Variants in CHST8 observed in about 807,000 individuals in gnomAD.
CHST8 encodes carbohydrate sulfotransferase 8.
In CHST8, 10 loss-of-function variants were observed where a neutral mutation model predicts 15.0. The ratio of observed to expected loss-of-function variants is 0.67; its 90% CI spans 0.41 to 1.13. The LOEUF is 1.13. Ranked by LOEUF, CHST8 falls within the 50% of genes most tolerant of loss-of-function variation. The pLI, the probability that CHST8 is intolerant of heterozygous loss-of-function variation, is 0.00. For synonymous variants in CHST8, 259 were observed against 256.6 expected (o/e 1.01, Z -0.09); for missense variants, 634 against 608.2 (o/e 1.04, Z -0.45).
chr19:33,636,511 G>A (rs544702321), intron 1 of CHST8, among the ~76,000 whole-genome samples: 69 of 152,284 alleles, frequency 4.5e-4, no homozygotes, highest in Non-Finnish European at 9.4e-4. Flanking sequence ...AAGTGTTACA[G>A]GAAAGGGGTC....
Position 33,634,677 on chromosome 19 carries a change from CAAA to C in CHST8, c.-164+12403_-164+12405del, listed in dbSNP as rs3040761. Among the ~76,000 whole-genome samples, 296 of 52,356 alleles carry C rather than the reference CAAA, an allele frequency of 5.7e-3. 3 individuals carry two copies. The highest frequency in any genetic ancestry group is 0.018 in the South Asian group (22 of 1,196). The allele number at this position is 52,356 out of a possible 152,430, so 34.3% of individuals were successfully genotyped here. A position where few individuals can be genotyped will look rare whatever the true frequency, so the allele number is the denominator to read the frequency against. On this transcript the variant is annotated intron_variant, in intron 1 of 4. Transcript: ENST00000650847. ...TTTTTTTTTTTTCTTGTCACGAAAC[CAAA>C]AAAAAAAAAAAAAAAAAAAAAGCAT... is the stretch of plus-strand genomic sequence containing the variant.
chr19:33,713,426 G>A (rs1255759271), intron 3 of CHST8, among the ~76,000 whole-genome samples: 2 of 152,282 alleles, frequency 1.3e-5, no homozygotes, highest in African/African-American at 2.4e-5. Flanking sequence ...ACTGCAGCCT[G>A]GGCAGTTGGC....
In CHST8 at chr19:33,754,305, G is replaced by A. The variant is rs181522173; in HGVS notation, c.131-17108G>A. Among the ~76,000 whole-genome samples the A allele has an allele frequency of 5.3e-5, 8 of 151,140 alleles. No homozygotes were observed. In the East Asian group the frequency reaches 8.1e-4, roughly 15 times the overall value. On this transcript the variant is annotated intron_variant, in intron 3 of 4. Coordinates refer to ENST00000650847, the MANE Select transcript of CHST8 (RefSeq NM_001127895.2). ...CCTGCTAATGGACTGCTTTATCCCC[G>A]CACCTGGCATCCCCAAGTCACCCGG...
intron 2 of CHST8, among the ~76,000 whole-genome samples, chr19:33,669,006 T>C (rs1292298633): frequency 6.6e-6 from 1 of 152,142 alleles, no homozygotes; most frequent in Non-Finnish European, 1.5e-5. Context: ...GTTGCATCCT[T>C]AGTTTTATCC....
At chr19:33,649,519 C>T (rs577373774) in intron 1 of CHST8, among the ~76,000 whole-genome samples, 83 of 152,218 alleles carry the variant, frequency 5.5e-4, no homozygotes, top group Admixed American at 9.8e-4. Flanking sequence ...AACGGGCTGG[C>T]CAAATACGCA....
chr19:33,659,498 A>T (rs772888540), intron 1 of CHST8, among the ~76,000 whole-genome samples: 24 of 152,200 alleles, frequency 1.6e-4, no homozygotes, highest in African/African-American at 1.2e-4. Context: ...TTGTCTGTTG[A>T]ATCCTTAATA....
chr19:33,699,853 T>TC (rs921561080), intron 3 of CHST8, among the ~76,000 whole-genome samples: 1 of 152,050 alleles, frequency 6.6e-6, no homozygotes, highest in African/African-American at 2.4e-5. Context: ...TCTGAGTGTG[T>TC]CCCCCTGGAG....
intron 3 of CHST8, among the ~76,000 whole-genome samples, chr19:33,740,810 C>A (rs866950927): frequency 6.6e-6 from 1 of 152,176 alleles, no homozygotes; most frequent in African/African-American, 2.4e-5. Context: ...TTATCGGCAT[C>A]TTGTGGGGGC....
intron 2 of CHST8, among the ~76,000 whole-genome samples, chr19:33,680,702 C>T (rs889136464): frequency 6.6e-6 from 1 of 152,186 alleles, no homozygotes; most frequent in Non-Finnish European, 1.5e-5. Flanking sequence ...CCAGTAGTTG[C>T]TAACACATCA....
At chr19:33,758,285 G>A (rs765000468) in intron 3 of CHST8, among the ~76,000 whole-genome samples, 12 of 152,148 alleles carry the variant, frequency 7.9e-5, no homozygotes, top group East Asian at 1.9e-4. Context: ...AGTCAGGGCC[G>A]TCACCCAGAC....
At chr19:33,722,989 C>T (rs984741923) in intron 3 of CHST8, among the ~76,000 whole-genome samples, 6 of 152,330 alleles carry the variant, frequency 3.9e-5, no homozygotes, top group Admixed American at 1.3e-4. Flanking sequence ...AAGATAAGCC[C>T]GGCTCTGCTG....
intron 3 of CHST8, among the ~76,000 whole-genome samples, chr19:33,750,589 G>A (rs570988226): frequency 2.8e-4 from 42 of 152,036 alleles, no homozygotes; most frequent in East Asian, 1.2e-3. Context: ...TCCACCAGCC[G>A]CTCAGTTTCC....
intron 3 of CHST8, among the ~76,000 whole-genome samples, chr19:33,729,172 A>C (rs1264263032): frequency 6.6e-6 from 1 of 152,206 alleles, no homozygotes; most frequent in African/African-American, 2.4e-5. Flanking sequence ...AATCCAAAGG[A>C]AGCCCACAGG....
chr19:33,678,078 G>A (rs1399425433), intron 2 of CHST8, among the ~76,000 whole-genome samples: 2 of 152,178 alleles, frequency 1.3e-5, no homozygotes, highest in African/African-American at 4.8e-5. Flanking sequence ...CTGCACTCAG[G>A]TGTCAGGAGA....
intron 1 of CHST8, among the ~76,000 whole-genome samples, chr19:33,658,429 G>A (rs1162935680): frequency 2.0e-5 from 3 of 152,162 alleles, no homozygotes; most frequent in Non-Finnish European, 4.4e-5. Context: ...CTCCTTCTCT[G>A]TGAGTTCATT....
chr19:33,643,497 C>T (rs928785672), intron 1 of CHST8, among the ~76,000 whole-genome samples: 2 of 152,232 alleles, frequency 1.3e-5, no homozygotes, highest in African/African-American at 4.8e-5. Context: ...GCAGTTCTGC[C>T]TCCATATTTC....
rs559050480 is a variant in CHST8, at chr19:33,654,860, C to G, written c.-163-12907C>G. On this transcript the variant is annotated intron_variant, in intron 1 of 4. Coordinates refer to ENST00000650847, the MANE Select transcript of CHST8 (RefSeq NM_001127895.2). ...TGCCCCAGGCCCTGACCTGTAGGGT[C>G]TGCCATCTGTGTTCAGGACTTCTGG... is the stretch of plus-strand genomic sequence containing the variant. 1.2e-4 allele frequency among the ~76,000 whole-genome samples: 18 copies of G among 152,266 alleles called. No individual in the cohort carries two copies. In the South Asian group the frequency reaches 3.7e-3, roughly 32 times the overall value.
chr19:33,689,482 G>C, intron 3 of CHST8, 91 bp downstream of exon 3: 1 of 1,374,560 alleles, frequency 7.3e-7, no homozygotes, highest in East Asian at 2.7e-5. Flanking sequence ...TGCTGGGCTT[G>C]GGGGAAAGGG....
intron 1 of CHST8, among the ~76,000 whole-genome samples, chr19:33,654,179 T>G (rs762330249): frequency 1.3e-5 from 2 of 152,220 alleles, no homozygotes; most frequent in Non-Finnish European, 2.9e-5. Flanking sequence ...CTCTTGGAAT[T>G]CTACGGAGAG....
Sources: gnomAD v4.1 joint callset for allele counts (sites outside exome capture counted in the v4.1 genomes callset) on GRCh38, gnomAD v4.1.1 for gene constraint, MANE v1.5 for transcripts, NCBI Gene and HGNC (gene_info 2026-07-23, HGNC 2026-07-21) for gene names.